Variants in ROBO2 observed in about 807,000 individuals in gnomAD.
ROBO2 encodes the protein roundabout guidance receptor 2.
ROBO2 carries 53 observed loss-of-function variants against 160.8 expected under a neutral mutation model. The observed-to-expected ratio is 0.33, with a 90% CI of 0.26 to 0.41. The LOEUF is 0.41. Ranked by LOEUF, ROBO2 falls within the 10% of genes least tolerant of loss-of-function variation. The pLI is 1.00. For missense variants in ROBO2, 1,577 were observed against 1,722.4 expected (o/e 0.92, Z 1.49); for synonymous variants, 664 against 611.7 (o/e 1.09, Z -1.26).
chr3:75,948,229 A>G (rs536089716), intron 2 of ROBO2, among the ~76,000 whole-genome samples: 1 of 152,130 alleles, frequency 6.6e-6, no homozygotes, highest in East Asian at 1.9e-4. Flanking sequence ...CAAAATAAGG[A>G]ACTTCTACAT....
intron 2 of ROBO2, among the ~76,000 whole-genome samples, chr3:77,204,237 C>T (rs578042534): frequency 3.9e-5 from 6 of 152,180 alleles, no homozygotes; most frequent in Admixed American, 6.5e-5. Context: ...TCTGAACCTG[C>T]TTCCTCACAA....
chr3:76,534,356 GT>G, intron 2 of ROBO2, among the ~76,000 whole-genome samples: 1 of 152,076 alleles, frequency 6.6e-6, no homozygotes, highest in Non-Finnish European at 1.5e-5. Flanking sequence ...GTGGCGATGA[GT>G]TTTTAGGCCA....
intron 2 of ROBO2, among the ~76,000 whole-genome samples, chr3:77,356,683 C>T (rs9874367): frequency 0.31 from 47,799 of 151,808 alleles, 8,011 homozygotes; most frequent in Non-Finnish European, 0.38. Flanking sequence ...CATTAGTAAA[C>T]GGTTAAAATA....
chr3:77,137,999 T>C (rs2076410859), intron 2 of ROBO2, among the ~76,000 whole-genome samples: 1 of 151,520 alleles, frequency 6.6e-6, no homozygotes, highest in Non-Finnish European at 1.5e-5. Flanking sequence ...GTGGTAAACG[T>C]GTAATATAAA....
intron 21 of ROBO2, among the ~76,000 whole-genome samples, chr3:77,614,531 T>C (rs2094722304): frequency 6.6e-6 from 1 of 152,086 alleles, no homozygotes; most frequent in Non-Finnish European, 1.5e-5. Flanking sequence ...TATCAAACCA[T>C]ACAGGGCTTC....
intron 2 of ROBO2, among the ~76,000 whole-genome samples, chr3:76,830,787 G>A (rs2067015527): frequency 6.8e-6 from 1 of 147,326 alleles, no homozygotes; most frequent in Non-Finnish European, 1.5e-5. Context: ...GATGACGCTG[G>A]GCAACAAAGC....
At chr3:76,722,850 A>T (rs1322379887) in intron 2 of ROBO2, among the ~76,000 whole-genome samples, 6 of 152,214 alleles carry the variant, frequency 3.9e-5, no homozygotes, top group Non-Finnish European at 8.8e-5. Context: ...TTACCAGTTA[A>T]TGGGCATTGG....
intron 2 of ROBO2, among the ~76,000 whole-genome samples, chr3:77,210,833 G>A (rs536771139): frequency 4.0e-5 from 6 of 150,814 alleles, no homozygotes; most frequent in Non-Finnish European, 7.4e-5. Flanking sequence ...GTGAGAACAC[G>A]TGGTGTTTGG....
chr3:77,295,468 G>C (rs569305545), intron 2 of ROBO2, among the ~76,000 whole-genome samples: 1 of 150,240 alleles, frequency 6.7e-6, no homozygotes. Context: ...TAAAATTGAC[G>C]GTTAAATGGG....
intron 2 of ROBO2, among the ~76,000 whole-genome samples, chr3:76,316,488 T>C (rs905843421): frequency 1.6e-4 from 21 of 132,320 alleles, no homozygotes; most frequent in Non-Finnish European, 2.5e-4. Context: ...TCAGACCTTA[T>C]GGTCGTCTTC....
chr3:77,040,840 G>C, exon 1 of ROBO2: 1 of 1,614,076 alleles, frequency 6.2e-7, no homozygotes. Context: ...ATATGTTCGG[G>C]TTGATGGTAA....
intron 1 of ROBO2, among the ~76,000 whole-genome samples, chr3:77,048,340 C>T (rs1458741736): frequency 1.3e-5 from 2 of 152,146 alleles, no homozygotes; most frequent in Admixed American, 1.3e-4. Context: ...ACAGCTGTGA[C>T]AGTTGTGCTA....
chr3:76,970,068 A>G (rs1401123372), intron 2 of ROBO2, among the ~76,000 whole-genome samples: 2 of 152,118 alleles, frequency 1.3e-5, no homozygotes, highest in Non-Finnish European at 2.9e-5. Context: ...GATCACTATC[A>G]TTTTCTTACA....
At chr3:76,304,526 A>G (rs941228537) in intron 2 of ROBO2, among the ~76,000 whole-genome samples, 3 of 152,196 alleles carry the variant, frequency 2.0e-5, no homozygotes, top group African/African-American at 7.2e-5. Context: ...ATTAAATCCC[A>G]GCTAAAATTT....
intron 5 of ROBO2, among the ~76,000 whole-genome samples, chr3:77,510,311 A>G (rs1338340621): frequency 6.6e-6 from 1 of 152,108 alleles, no homozygotes; most frequent in African/African-American, 2.4e-5. Context: ...CAACTTATGG[A>G]CCACGACATC....
At chr3:76,920,892 AG>A in intron 2 of ROBO2, among the ~76,000 whole-genome samples, 1 of 152,350 alleles carries the variant, frequency 6.6e-6, no homozygotes, top group South Asian at 2.1e-4. Context: ...TTATAATGAA[AG>A]CAAAAACACA....
intron 2 of ROBO2, among the ~76,000 whole-genome samples, chr3:76,522,640 C>T (rs75472384): frequency 0.019 from 2,910 of 152,170 alleles, 81 homozygotes; most frequent in African/African-American, 0.066. Flanking sequence ...AACAATTCAC[C>T]TTCCTGGAAT....
In ROBO2 at chr3:76,380,148, G is replaced by T. The variant is rs557311447; in HGVS notation, c.109+442546G>T. On this transcript the variant is annotated intron_variant, in intron 2 of 26. Transcript: ENST00000487694. ...TTTGTTTCAAATCTAACACCTGTGT[G>T]CTTTGAAGTCTAACTCCTTGAAGAT... Among the ~76,000 whole-genome samples the T allele has an allele frequency of 8.5e-4, 129 of 152,000 alleles. 1 individual carries two copies. The highest frequency in any genetic ancestry group is 3.0e-3 in the African/African-American group (123 of 41,452).
intron 2 of ROBO2, among the ~76,000 whole-genome samples, chr3:76,656,750 G>A (rs971428892): frequency 6.6e-6 from 1 of 151,270 alleles, no homozygotes; most frequent in Non-Finnish European, 1.5e-5. Flanking sequence ...AACTTGCAGT[G>A]ACTGTTCTTT....
Sources: allele counts gnomAD v4.1 joint callset (sites outside exome capture counted in the v4.1 genomes callset), GRCh38; gene constraint gnomAD v4.1.1; transcripts MANE v1.5; gene names NCBI Gene and HGNC (gene_info 2026-07-23, HGNC 2026-07-21).